The following ERG variants were observed in gnomAD, a reference collection of about 807,000 sequenced individuals.
ERG encodes transcriptional regulator ERG.
ERG carries 9 observed loss-of-function variants against 55.3 expected under a neutral mutation model. That is an observed-to-expected ratio of 0.16 (90% CI 0.10 to 0.28). The LOEUF (loss-of-function observed/expected upper bound fraction) is 0.28, where lower values mean the gene tolerates loss of function less well. Among genes scored for constraint, ERG ranks in the 10% least tolerant of loss-of-function variants. ERG has a pLI of 1.00. For synonymous variants in ERG, 223 were observed against 237.3 expected (o/e 0.94, Z 0.55); for missense variants, 434 against 631.6 (o/e 0.69, Z 3.35).
Position 38,460,336 on chromosome 21 carries a change from G to A in ERG, c.19-14715C>T, listed in dbSNP as rs537634516. Among the ~76,000 whole-genome samples the A allele has an allele frequency of 4.6e-5, 7 of 152,328 alleles. No individual in the cohort carries two copies. In the East Asian group the frequency reaches 7.7e-4, roughly 17 times the overall value. The stretch of plus-strand genomic sequence containing the variant: ...AGAGAGAAGTGGAGTCTCTCTAGCC[G>A]TCTTGGCTAAAAGCCCGGGAATTGT... On this transcript the variant is annotated intron_variant, in intron 1 of 9. Transcript: ENST00000288319. This position sits in a 1 kb window ranked among gnomAD's most constrained non-coding sequence, Gnocchi z 5.0.
At chr21:38,401,867 CG>C (rs1388009454) in intron 5 of ERG, among the ~76,000 whole-genome samples, 5 of 152,182 alleles carry the variant, frequency 3.3e-5, no homozygotes, top group Non-Finnish European at 1.5e-5. Flanking sequence ...GGATGAGGCA[CG>C]GTGTTAAACC....
chr21:38,580,010 C>T (rs899690903), intron 1 of ERG, among the ~76,000 whole-genome samples: 1 of 152,084 alleles, frequency 6.6e-6, no homozygotes. Flanking sequence ...TTAGTAGAGA[C>T]GGGATTTCAC....
At chr21:38,423,045 G>T (rs1216457676) in intron 3 of ERG, among the ~76,000 whole-genome samples, 1 of 151,516 alleles carries the variant, frequency 6.6e-6, no homozygotes, top group Non-Finnish European at 1.5e-5. Flanking sequence ...CTGCATGTTT[G>T]CCTGGACATC....
At chr21:38,387,304 T>C (rs1987738875) in intron 9 of ERG, among the ~76,000 whole-genome samples, 1 of 152,178 alleles carries the variant, frequency 6.6e-6, no homozygotes, top group South Asian at 2.1e-4. Flanking sequence ...CCCGTGTGCA[T>C]GGCCTGGACC....
At position 38,575,557 on chromosome 21, in the gene ERG, G is replaced by A. The variant is rs139776615; in HGVS notation, c.-41+105C>T. The A allele has an allele frequency of 6.6e-5, 53 of 802,790 alleles. No individual in the cohort carries two copies. The East Asian group carries it at 1.2e-3, about 19-fold the overall frequency. 49.7% of individuals were successfully genotyped at this position (802,790 alleles called of 1,614,324 possible). A position where few individuals can be genotyped will look rare whatever the true frequency, so the allele number is the denominator to read the frequency against. ...GTAAAAACCATTTTCTTAGCTCCTG[G>A]GCTGTGTTGACTGACCCCTAATTAA... is the stretch of plus-strand genomic sequence containing the variant. On this transcript the variant is annotated intron_variant, in intron 2 of 8. Coordinates refer to the ERG transcript ENST00000398897.
chr21:38,618,425 A>T (rs192542231), intron 1 of ERG, among the ~76,000 whole-genome samples: 3 of 152,354 alleles, frequency 2.0e-5, no homozygotes, highest in East Asian at 1.9e-4. Flanking sequence ...AACGTGGAGC[A>T]GATTGACTCT....
intron 2 of ERG, among the ~76,000 whole-genome samples, chr21:38,543,119 C>G (rs1187555489): frequency 6.6e-6 from 1 of 152,162 alleles, no homozygotes; most frequent in Non-Finnish European, 1.5e-5. Flanking sequence ...GTGGATTCTG[C>G]TCTAGTCCAG....
intron 2 of ERG, among the ~76,000 whole-genome samples, chr21:38,430,245 C>T (rs1295816882): frequency 6.6e-6 from 1 of 152,062 alleles, no homozygotes; most frequent in African/African-American, 2.4e-5. Context: ...ATGTCCTTAA[C>T]CCATTTTTTG....
Position 38,626,333 on chromosome 21 carries a change from T to C in ERG, c.-150+35325A>G, listed in dbSNP as rs73444314. 2.5e-3 allele frequency among the ~76,000 whole-genome samples: 378 copies of C among 152,336 alleles called. 2 individuals are homozygous for C. Among genetic ancestry groups the C allele is most frequent in the African/African-American group, 8.3e-3 (346 of 41,580 alleles). On this transcript the variant is annotated intron_variant, in intron 1 of 10. Coordinates refer to the ERG transcript ENST00000398910. ...TAGCAGTGGTACTGAGTGTAATCCA[T>C]AGACCAGTGCCATTTTGCAAAATGT...
At position 38,400,141 on chromosome 21, in the gene ERG, A is replaced by G. The variant is rs184109916; in HGVS notation, c.745+433T>C. The G allele has an allele frequency of 3.7e-4, 142 of 381,688 alleles. No homozygotes were observed. In the East Asian group the frequency reaches 5.3e-3, roughly 14 times the overall value. The allele number at this position is 381,688 out of a possible 1,614,324, so 23.6% of individuals were successfully genotyped here. ...TTGGAGGACAGGCAGTAAGATTCAGATGTAAATACTACTGGTTGCATGCTT... is the reference window on the plus strand; with the variant it reads ...TTGGAGGACAGGCAGTAAGATTCAGGTGTAAATACTACTGGTTGCATGCTT... On this transcript the variant is annotated intron_variant, in intron 6 of 9. Transcript: ENST00000288319.
chr21:38,429,258 A>G (rs1223595529), intron 2 of ERG, among the ~76,000 whole-genome samples: 3 of 151,744 alleles, frequency 2.0e-5, no homozygotes, highest in Admixed American at 6.6e-5. Context: ...GTGTGTGTGT[A>G]TATACACACA....
chr21:38,604,253 A>C (rs76210507), intron 1 of ERG, among the ~76,000 whole-genome samples: 3,081 of 131,230 alleles, frequency 0.023, 58 homozygotes, highest in East Asian at 0.088. Flanking sequence ...GACTCCGTCA[A>C]AAAAAAAAAA....
chr21:38,489,611 T>C (rs2059317576), intron 1 of ERG, among the ~76,000 whole-genome samples: 1 of 152,278 alleles, frequency 6.6e-6, no homozygotes, highest in Admixed American at 6.5e-5. Flanking sequence ...ACTATAAATA[T>C]GCTTCCAGTT....
chr21:38,517,629 T>C (rs1382416491), intron 2 of ERG, among the ~76,000 whole-genome samples: 4 of 152,066 alleles, frequency 2.6e-5, no homozygotes, highest in Middle Eastern at 3.4e-3. Flanking sequence ...GAAAAAGAAA[T>C]CAGTATATCA....
chr21:38,547,104 T>G (rs1270925496), intron 2 of ERG, among the ~76,000 whole-genome samples: 2 of 152,170 alleles, frequency 1.3e-5, no homozygotes, highest in Non-Finnish European at 2.9e-5. Flanking sequence ...AAAAGATGTC[T>G]CAGGGAATGT....
intron 1 of ERG, among the ~76,000 whole-genome samples, chr21:38,610,999 C>A (rs2060223554): frequency 6.6e-6 from 1 of 152,224 alleles, no homozygotes; most frequent in Non-Finnish European, 1.5e-5. Flanking sequence ...GGGAAGCAAT[C>A]CCTGCTATCC....
intron 2 of ERG, among the ~76,000 whole-genome samples, chr21:38,560,882 A>T (rs577651837): frequency 6.6e-6 from 1 of 152,350 alleles, no homozygotes; most frequent in Admixed American, 6.5e-5. Context: ...TGTATGTAAC[A>T]TGCTACTTTC....
In ERG at chr21:38,402,538, G is replaced by A. The variant is rs745925835; in HGVS notation, c.673+19C>T. On this transcript the variant is annotated intron_variant, in intron 5 of 9. Transcript: ENST00000288319. ...GACCCTACGCTCTTGCTGGGAGGCA[G>A]GGGCGGGGCCAGCATTACCTGTGTT... 6.3e-7 allele frequency: 1 copy of A among 1,599,802 alleles called. No individual in the cohort carries two copies. Among genetic ancestry groups the A allele is most frequent in the Non-Finnish European group, 8.5e-7 (1 of 1,169,686 alleles).
chr21:38,420,894 CTTTGT>C (rs1003105949), intron 3 of ERG, among the ~76,000 whole-genome samples: 2 of 152,140 alleles, frequency 1.3e-5, no homozygotes, highest in African/African-American at 4.8e-5. Flanking sequence ...GATCTAAACA[CTTTGT>C]TTTGTCTCCT....
Sources: allele counts gnomAD v4.1 joint callset (sites outside exome capture counted in the v4.1 genomes callset), GRCh38; gene constraint gnomAD v4.1.1; non-coding constraint Gnocchi (gnomAD v3.1); transcripts MANE v1.5; gene names NCBI Gene and HGNC (gene_info 2026-07-23, HGNC 2026-07-21).